FGF13: variants seen among roughly 807,000 people sequenced by gnomAD.
The protein encoded by FGF13 is fibroblast growth factor 13.
FGF13 carries 2 observed loss-of-function variants against 19.5 expected under a neutral mutation model. The ratio of observed to expected loss-of-function variants is 0.10; its 90% CI spans 0.04 to 0.32. The LOEUF is 0.32. Ranked by LOEUF, FGF13 falls within the 10% of genes least tolerant of loss-of-function variation. FGF13 has a pLI of 1.00. For missense variants in FGF13, 113 were observed against 192.7 expected (o/e 0.59, Z 2.45); for synonymous variants, 72 against 76.9 (o/e 0.94, Z 0.33).
chrX:138,855,800 G>A (rs1418072477), downstream of FGF13, among the ~76,000 whole-genome samples: 1 of 111,787 alleles, frequency 8.9e-6, no homozygotes, highest in Non-Finnish European at 1.9e-5. Flanking sequence ...AATAATAAAA[G>A]GAATGGGGTC....
intron 3 of FGF13, among the ~76,000 whole-genome samples, chrX:138,842,296 A>C (rs1287329984): frequency 9.0e-6 from 1 of 111,680 alleles, no homozygotes; most frequent in African/African-American, 3.2e-5. Flanking sequence ...GAACAAACCA[A>C]GTTGTAACTC....
At position 138,911,443 on chromosome X, in the gene FGF13, C is replaced by A. The variant is rs182642619; in HGVS notation, c.-112-46793G>T. 6.9e-4 allele frequency among the ~76,000 whole-genome samples: 75 copies of A among 108,729 alleles called. 1 individual carries two copies. Among genetic ancestry groups the A allele is most frequent in the South Asian group, 8.3e-4 (2 of 2,410 alleles). 94.4% of individuals were successfully genotyped at this position (108,729 alleles called of 115,157 possible). On this transcript the variant is annotated intron_variant, in intron 1 of 2. Transcript: ENST00000421460. The stretch of plus-strand genomic sequence containing the variant: ...CACATGGACACACAGAGGGGGGCAA[C>A]ACACACTGGGGCCTACCAGAGAGTG...
chrX:138,661,508 G>A (rs909683304), intron 3 of FGF13, among the ~76,000 whole-genome samples: 1 of 111,709 alleles, frequency 9.0e-6, no homozygotes, highest in African/African-American at 3.3e-5. Flanking sequence ...GATGTTACTA[G>A]TGCTGCATTA....
At chrX:139,197,036 T>A (rs767529091) in intron 1 of FGF13, among the ~76,000 whole-genome samples, 84 of 112,402 alleles carry the variant, frequency 7.5e-4, no homozygotes, top group African/African-American at 2.5e-3. Context: ...TAGGTATTTG[T>A]CAGATTAAGC....
intron 1 of FGF13, among the ~76,000 whole-genome samples, chrX:139,118,904 T>C (rs2083658186): frequency 9.0e-6 from 1 of 111,403 alleles, no homozygotes; most frequent in African/African-American, 3.3e-5. Flanking sequence ...CTCATGCCTG[T>C]AATCCCGGTG....
In FGF13 at chrX:138,984,620, G is replaced by GGAGGAA. The variant is rs2091984400; in HGVS notation, c.-112-119971_-112-119970insTTCCTC. The stretch of plus-strand genomic sequence containing the variant: ...AGGAGGAGGAGGAGGAGGAGGATGA[G>GGAGGAA]GAAGAGGAGGAGGAGGAGGAGGAGA... On this transcript the variant is annotated intron_variant, in intron 1 of 2. Transcript: ENST00000421460. Among the ~76,000 whole-genome samples the GGAGGAA allele has an allele frequency of 1.5e-4, 10 of 68,080 alleles. 1 individual carries two copies. The highest frequency in any genetic ancestry group is 9.3e-4 in the South Asian group (1 of 1,072). The allele number at this position is 68,080 out of a possible 115,157, so 59.1% of individuals were successfully genotyped here. A position where few individuals can be genotyped will look rare whatever the true frequency, so the allele number is the denominator to read the frequency against.
At chrX:139,021,658 C>T (rs1210624708) in intron 1 of FGF13, among the ~76,000 whole-genome samples, 1 of 110,907 alleles carries the variant, frequency 9.0e-6, no homozygotes, top group East Asian at 2.8e-4. Flanking sequence ...AAGGAACTCC[C>T]CAAAATTCCA....
intron 1 of FGF13, among the ~76,000 whole-genome samples, chrX:138,947,250 T>C (rs531663978): frequency 9.0e-6 from 1 of 111,677 alleles, no homozygotes; most frequent in South Asian, 3.7e-4. Flanking sequence ...CTCTTTCATA[T>C]AATTGTTTTT....
intron 1 of FGF13, among the ~76,000 whole-genome samples, chrX:138,984,324 C>T (rs1211111355): frequency 9.3e-6 from 1 of 107,809 alleles, no homozygotes; most frequent in African/African-American, 3.4e-5. Flanking sequence ...AGAAGAATCG[C>T]TTGAACCCGG....
intron 1 of FGF13, among the ~76,000 whole-genome samples, chrX:138,969,384 G>T (rs1349669596): frequency 9.0e-6 from 1 of 111,654 alleles, no homozygotes; most frequent in African/African-American, 3.3e-5. Context: ...AGAGAGATGG[G>T]TGACAGAGAA....
At chrX:138,995,281 A>G (rs1269899892) in intron 1 of FGF13, among the ~76,000 whole-genome samples, 1 of 111,187 alleles carries the variant, frequency 9.0e-6, no homozygotes, top group Admixed American at 9.6e-5. Context: ...TTGAGTACTT[A>G]TTTTATTTAT....
At chrX:139,192,870 G>A (rs1281343381) in intron 1 of FGF13, among the ~76,000 whole-genome samples, 1 of 111,657 alleles carries the variant, frequency 9.0e-6, no homozygotes, top group African/African-American at 3.3e-5. Context: ...ATGAAACAGA[G>A]TGCTTCATGC....
intron 1 of FGF13, among the ~76,000 whole-genome samples, chrX:138,997,398 C>G (rs745587544): frequency 4.2e-5 from 4 of 96,062 alleles, no homozygotes; most frequent in Non-Finnish European, 8.3e-5. Context: ...GCTAAATAAG[C>G]ATCTTCTAAC....
chrX:138,923,830 T>C, intron 1 of FGF13, among the ~76,000 whole-genome samples: 1 of 111,794 alleles, frequency 8.9e-6, no homozygotes. Context: ...GATAAGCATA[T>C]GTATGGCTGC....
intron 1 of FGF13, among the ~76,000 whole-genome samples, chrX:138,922,587 C>CT (rs2091652511): frequency 8.9e-6 from 1 of 111,864 alleles, no homozygotes; most frequent in Non-Finnish European, 1.9e-5. Flanking sequence ...CATCATCTTC[C>CT]CAAACTAGAG....
In FGF13 at chrX:139,092,078, G is replaced by A. The variant is rs748932902; in HGVS notation, c.-113+111338C>T. Among the ~76,000 whole-genome samples the A allele has an allele frequency of 2.7e-5, 3 of 111,400 alleles. No individual in the cohort carries two copies. The South Asian group carries it at 1.2e-3, about 43-fold the overall frequency. ...TTGCAATATACAGGCAAGAGGTATCGAGTGCCTGCCTAAATGAAATAGAGA... is the reference window on the plus strand; with the variant it reads ...TTGCAATATACAGGCAAGAGGTATCAAGTGCCTGCCTAAATGAAATAGAGA... On this transcript the variant is annotated intron_variant, in intron 1 of 2. Transcript: ENST00000421460.
intron 1 of FGF13, among the ~76,000 whole-genome samples, chrX:139,089,931 TCTC>T (rs2083428965): frequency 1.8e-5 from 2 of 111,175 alleles, no homozygotes; most frequent in South Asian, 7.7e-4. Context: ...CTTGAACTCT[TCTC>T]CTCAAGCAAT....
chrX:138,822,143 C>T (rs921697923), intron 3 of FGF13, among the ~76,000 whole-genome samples: 1 of 112,071 alleles, frequency 8.9e-6, no homozygotes, highest in Admixed American at 9.5e-5. Context: ...CATTCTAAAG[C>T]ATACAGAAGG....
chrX:139,026,052 G>A (rs1354947498), intron 1 of FGF13, among the ~76,000 whole-genome samples: 1 of 111,179 alleles, frequency 9.0e-6, no homozygotes, highest in Non-Finnish European at 1.9e-5. Context: ...GACTTGACAT[G>A]TGTATGCTTA....
Sources: gnomAD v4.1 joint callset for allele counts (sites outside exome capture counted in the v4.1 genomes callset) on GRCh38, gnomAD v4.1.1 for gene constraint, MANE v1.5 for transcripts, NCBI Gene and HGNC (gene_info 2026-07-23, HGNC 2026-07-21) for gene names.